The following NRXN3 variants were observed in gnomAD, a reference collection of about 807,000 sequenced individuals.
NRXN3 encodes the protein neurexin 3, also known as neurexin III.
A neutral mutation model predicts 137.6 loss-of-function variants in NRXN3; 32 were observed. The ratio of observed to expected loss-of-function variants is 0.23; its 90% CI spans 0.18 to 0.31. The LOEUF (loss-of-function observed/expected upper bound fraction) is 0.31. Among genes scored for constraint, NRXN3 ranks in the 10% least tolerant of loss-of-function variants. The pLI is 1.00. For missense variants in NRXN3, 1,574 were observed against 2,062.5 expected (o/e 0.76, Z 4.59); for synonymous variants, 798 against 784.5 (o/e 1.02, Z -0.29).
chr14:79,867,753 T>G lies in NRXN3; in HGVS notation c.*5789T>G, dbSNP rs1227920876. The G allele has an allele frequency of 1.3e-5, 2 of 152,056 alleles. No individual in the cohort carries two copies. The highest frequency in any genetic ancestry group is 4.8e-5 in the African/African-American group (2 of 41,348). The allele number at this position is 152,056 out of a possible 1,614,324, so 9.4% of individuals were successfully genotyped here. On this transcript the variant is annotated 3_prime_UTR_variant, in exon 21 of 21. Transcript: ENST00000335750. Reference sequence around the variant, plus strand: ...AGCAATTCTAACCTTTTTGAAGTGGTTACATGGCCCAAGTAGAAGAGCAAA... The same window carrying G: ...AGCAATTCTAACCTTTTTGAAGTGGGTACATGGCCCAAGTAGAAGAGCAAA...
chr14:79,222,531 G>C (rs1479723595), intron 15 of NRXN3, among the ~76,000 whole-genome samples: 1 of 151,932 alleles, frequency 6.6e-6, no homozygotes, highest in African/African-American at 2.4e-5. Context: ...AGCTCCTTTG[G>C]GTATATACCA....
At chr14:79,823,729 G>A (rs568790347) in intron 20 of NRXN3, among the ~76,000 whole-genome samples, 11 of 152,214 alleles carry the variant, frequency 7.2e-5, no homozygotes, top group African/African-American at 2.2e-4. Context: ...CGGAAGCTTC[G>A]CCAGACCCGT....
At chr14:79,575,155 A>T (rs1369778625) in intron 16 of NRXN3, among the ~76,000 whole-genome samples, 1 of 152,208 alleles carries the variant, frequency 6.6e-6, no homozygotes, top group African/African-American at 2.4e-5. Flanking sequence ...GAATTAGTAT[A>T]GGCGGAAAAC....
At position 78,748,467 on chromosome 14, in the gene NRXN3, G is replaced by T. The variant is rs1211542248; in HGVS notation, c.2044+33328G>T. Among the ~76,000 whole-genome samples the T allele has an allele frequency of 2.0e-5, 3 of 152,062 alleles. No individual in the cohort carries two copies. In the East Asian group the frequency reaches 5.8e-4, roughly 29 times the overall value. On this transcript the variant is annotated intron_variant, in intron 8 of 20. Coordinates refer to ENST00000335750, the MANE Select transcript of NRXN3 (RefSeq NM_001330195.2). ...GGAAGGGTAGATAAAGAAGTTAGGG[G>T]GTTTATTCTCAAGACAATGAGAAAT...
chr14:79,213,480 G>A (rs73325840), intron 15 of NRXN3, among the ~76,000 whole-genome samples: 4,624 of 152,098 alleles, frequency 0.03, 235 homozygotes, highest in African/African-American at 0.11. Context: ...TTAATACATT[G>A]TATCACAAAT....
intron 8 of NRXN3, among the ~76,000 whole-genome samples, chr14:78,802,999 G>A (rs2098844153): frequency 6.6e-6 from 1 of 152,142 alleles, no homozygotes; most frequent in South Asian, 2.1e-4. Context: ...TTGAATAAAA[G>A]TAAAATGAGT....
chr14:78,766,422 T>G (rs903331742), intron 8 of NRXN3, among the ~76,000 whole-genome samples: 2 of 152,196 alleles, frequency 1.3e-5, no homozygotes, highest in Non-Finnish European at 1.5e-5. Context: ...TAAATTGCCT[T>G]TAGAGTCCTT....
chr14:79,258,321 C>T (rs2077073766), intron 15 of NRXN3, among the ~76,000 whole-genome samples: 1 of 152,150 alleles, frequency 6.6e-6, no homozygotes, highest in African/African-American at 2.4e-5. Flanking sequence ...TCTGGTGCCT[C>T]AGCCTCCCAA....
At chr14:78,441,032 C>T (rs1489793923) in intron 4 of NRXN3, among the ~76,000 whole-genome samples, 1 of 152,284 alleles carries the variant, frequency 6.6e-6, no homozygotes, top group Non-Finnish European at 1.5e-5. Flanking sequence ...CTGTCTTGAA[C>T]CTCCTGTCCT....
Position 79,423,109 on chromosome 14 carries a change from C to T in NRXN3, c.3263-44112C>T, listed in dbSNP as rs569603050. Among the ~76,000 whole-genome samples the T allele has an allele frequency of 7.9e-5, 12 of 152,206 alleles. No individual in the cohort carries two copies. The East Asian group carries it at 2.3e-3, about 29-fold the overall frequency. On this transcript the variant is annotated intron_variant, in intron 15 of 20. Transcript: ENST00000335750. ...AGTTAGCTTCAACTCTGAATGAACA[C>T]CGAAGATGTCTTGGCTTTCCTAAAG...
At position 79,697,904 on chromosome 14, in the gene NRXN3, A is replaced by T. The variant is rs199759620; in HGVS notation, c.3981A>T (p.Thr1327=). The change falls in exon 19 of 21, where the codon ACA becomes ACT. Residue 1327 remains threonine (T), a synonymous_variant. Coordinates refer to ENST00000335750, the MANE Select transcript of NRXN3 (RefSeq NM_001330195.2). The part of the protein sequence containing the change: ...METTTTMATT[T]TRKNRSTASI... ...CCACTACTACAATGGCGACTACCAC[A>T]ACCCGTAAGAATCGCTCTACAGCCA... is the stretch of plus-strand genomic sequence containing the variant. The T allele has an allele frequency of 1.9e-6, 3 of 1,612,618 alleles. No homozygotes were observed. Among genetic ancestry groups the T allele is most frequent in the Non-Finnish European group, 1.7e-6 (2 of 1,178,930 alleles).
chr14:78,544,376 G>T (rs752881165), intron 4 of NRXN3, among the ~76,000 whole-genome samples: 20 of 151,986 alleles, frequency 1.3e-4, no homozygotes, highest in Admixed American at 5.2e-4. Flanking sequence ...CCCTATGTAG[G>T]TCACTTAGCT....
intron 16 of NRXN3, among the ~76,000 whole-genome samples, chr14:79,513,209 G>A (rs55809771): frequency 0.3 from 45,809 of 152,064 alleles, 8,246 homozygotes; most frequent in African/African-American, 0.5. Context: ...TTTGCAACCT[G>A]ATGCTTTCCC....
chr14:79,106,127 T>G (rs937736768), intron 15 of NRXN3, among the ~76,000 whole-genome samples: 1 of 152,092 alleles, frequency 6.6e-6, no homozygotes, highest in Non-Finnish European at 1.5e-5. Context: ...GCCTCTTTTC[T>G]TCCCCTTCAG....
chr14:79,344,533 A>G (rs2153371590), intron 15 of NRXN3, among the ~76,000 whole-genome samples: 1 of 152,348 alleles, frequency 6.6e-6, no homozygotes, highest in East Asian at 1.9e-4. Flanking sequence ...TAATAGATTA[A>G]AATATCTTTT....
intron 16 of NRXN3, among the ~76,000 whole-genome samples, chr14:79,614,685 TCTC>T (rs1172637712): frequency 8.6e-5 from 13 of 151,924 alleles, no homozygotes; most frequent in African/African-American, 2.9e-4. Flanking sequence ...CCTAATTGCT[TCTC>T]CTGTGCCCAG....
At chr14:79,860,691 C>T (rs977162287) in intron 20 of NRXN3, among the ~76,000 whole-genome samples, 4 of 152,200 alleles carry the variant, frequency 2.6e-5, no homozygotes, top group African/African-American at 7.2e-5. Context: ...TGTGCGTGTA[C>T]CCACACATGC....
intron 16 of NRXN3, among the ~76,000 whole-genome samples, chr14:79,612,084 A>G (rs2098110603): frequency 6.6e-6 from 1 of 152,216 alleles, no homozygotes; most frequent in Admixed American, 6.5e-5. Flanking sequence ...CTAAATCCAC[A>G]GAAGCATCAG....
chr14:79,639,382 A>G (rs1435413761), intron 16 of NRXN3, among the ~76,000 whole-genome samples: 1 of 151,996 alleles, frequency 6.6e-6, no homozygotes, highest in Non-Finnish European at 1.5e-5. Context: ...TCTACCCTCA[A>G]GTAGACCTCA....
Sources: gnomAD v4.1 joint callset for allele counts (sites outside exome capture counted in the v4.1 genomes callset) on GRCh38, gnomAD v4.1.1 for gene constraint, MANE v1.5 for transcripts, NCBI Gene and HGNC (gene_info 2026-07-23, HGNC 2026-07-21) for gene names.